Variants in IMMP2L observed in about 807,000 individuals in gnomAD.
IMMP2L encodes the protein inner mitochondrial membrane peptidase subunit 2.
Under a neutral mutation model 19.3 loss-of-function variants are expected in IMMP2L, and 18 were observed. The observed-to-expected ratio is 0.93, with a 90% CI of 0.64 to 1.38. IMMP2L has a LOEUF of 1.38. IMMP2L is among the 40% of genes most tolerant of loss of function. The pLI, the probability that IMMP2L is intolerant of heterozygous loss-of-function variation, is 0.00. For missense variants in IMMP2L, 233 were observed against 218.2 expected (o/e 1.07, Z -0.43); for synonymous variants, 76 against 73.0 (o/e 1.04, Z -0.21).
chr7:111,503,594 C>T (rs570363865), intron 2 of IMMP2L, among the ~76,000 whole-genome samples: 14 of 152,148 alleles, frequency 9.2e-5, no homozygotes, highest in Non-Finnish European at 1.5e-4. Flanking sequence ...AAACCAAATC[C>T]AGCAGCACAT....
intron 3 of IMMP2L, among the ~76,000 whole-genome samples, chr7:111,380,018 T>C (rs1007886490): frequency 2.6e-5 from 4 of 151,924 alleles, no homozygotes; most frequent in African/African-American, 9.7e-5. Flanking sequence ...AATAGTAAAA[T>C]AGCTCCATCG....
At chr7:111,005,362 A>C (rs943457515) in intron 3 of IMMP2L, among the ~76,000 whole-genome samples, 4 of 152,194 alleles carry the variant, frequency 2.6e-5, no homozygotes, top group Admixed American at 1.3e-4. Context: ...CTATTGTTAC[A>C]TAAAGTAGCT....
chr7:110,768,308 G>GAAAAAAA (rs56248524), intron 5 of IMMP2L, among the ~76,000 whole-genome samples: 1 of 120,876 alleles, frequency 8.3e-6, no homozygotes, highest in Non-Finnish European at 1.7e-5. Context: ...GAAAAGAAAG[G>GAAAAAAA]AAAAAAAAAA....
At chr7:110,735,052 T>A (rs368734325) in intron 5 of IMMP2L, among the ~76,000 whole-genome samples, 1 of 152,164 alleles carries the variant, frequency 6.6e-6, no homozygotes, top group Admixed American at 6.5e-5. Context: ...ATGTGATAAC[T>A]GACACTTACA....
intron 3 of IMMP2L, among the ~76,000 whole-genome samples, chr7:111,077,931 C>T (rs184247042): frequency 4.6e-5 from 7 of 152,240 alleles, no homozygotes; most frequent in Non-Finnish European, 7.3e-5. Flanking sequence ...GTTTCTTGGC[C>T]TGACTCTTCT....
At chr7:111,514,227 A>T (rs1845689060) in intron 2 of IMMP2L, among the ~76,000 whole-genome samples, 1 of 152,154 alleles carries the variant, frequency 6.6e-6, no homozygotes, top group African/African-American at 2.4e-5. Flanking sequence ...AGTAAAGGGT[A>T]TGTTAATTAG....
At chr7:111,424,618 C>T (rs1037414318) in intron 3 of IMMP2L, among the ~76,000 whole-genome samples, 4 of 151,708 alleles carry the variant, frequency 2.6e-5, no homozygotes, top group East Asian at 1.9e-4. Context: ...TGATGTATAG[C>T]CATGCTACTT....
chr7:111,342,059 A>G (rs932970762), intron 3 of IMMP2L, among the ~76,000 whole-genome samples: 10 of 152,148 alleles, frequency 6.6e-5, no homozygotes, highest in South Asian at 2.1e-4. Context: ...TAGCGGCACA[A>G]AACAGGCCAA....
chr7:111,544,390 TATA>T (rs1848737480), intron 1 of IMMP2L, among the ~76,000 whole-genome samples: 1 of 151,976 alleles, frequency 6.6e-6, no homozygotes, highest in Non-Finnish European at 1.5e-5. Context: ...GAACTTAAAG[TATA>T]ATAAAAAAAA....
At chr7:111,081,804 TGTATA>T in intron 3 of IMMP2L, among the ~76,000 whole-genome samples, 1 of 152,116 alleles carries the variant, frequency 6.6e-6, no homozygotes, top group Non-Finnish European at 1.5e-5. Context: ...CATAGCAAAT[TGTATA>T]CTTTTAAAAT....
Position 111,430,256 on chromosome 7 carries a change from C to A in IMMP2L, c.239+56982G>T, listed in dbSNP as rs184443202. 2.6e-4 allele frequency among the ~76,000 whole-genome samples: 40 copies of A among 151,846 alleles called. 1 individual carries two copies. Among genetic ancestry groups the A allele is most frequent in the African/African-American group, 9.2e-4 (38 of 41,254 alleles). On this transcript the variant is annotated intron_variant, in intron 3 of 5. Coordinates refer to ENST00000405709, the MANE Select transcript of IMMP2L (RefSeq NM_032549.4). Reference sequence around the variant, plus strand: ...AAAGAAATACGTTTGAATTTTTTCACAATTTCTACAATATGCCTCCTGAAT... The same window carrying A: ...AAAGAAATACGTTTGAATTTTTTCAAAATTTCTACAATATGCCTCCTGAAT...
intron 3 of IMMP2L, among the ~76,000 whole-genome samples, chr7:110,998,781 C>T (rs1053811514): frequency 3.3e-5 from 5 of 152,072 alleles, no homozygotes; most frequent in African/African-American, 1.2e-4. Context: ...AGAAAACGGG[C>T]ACAGTGTAAT....
chr7:111,297,888 T>C (rs1368853474), intron 3 of IMMP2L, among the ~76,000 whole-genome samples: 1 of 152,066 alleles, frequency 6.6e-6, no homozygotes, highest in Admixed American at 6.6e-5. Flanking sequence ...AGATCAGTGA[T>C]TTCATGCAGC....
rs869155077 is a variant in IMMP2L, at chr7:111,316,845, CTTT to C, written c.239+170390_239+170392del. Among the ~76,000 whole-genome samples, 426 of 75,872 alleles carry C rather than the reference CTTT, an allele frequency of 5.6e-3. 1 individual carries two copies. The highest frequency in any genetic ancestry group is 0.02 in the African/African-American group (397 of 20,304). The allele number at this position is 75,872 out of a possible 152,430, so 49.8% of individuals were successfully genotyped here. ...GATATTGTTGGCTCCTTTTTTTTTT[CTTT>C]TTTTTTTTTTTTTTTTTTTTGAGAT... On this transcript the variant is annotated intron_variant, in intron 3 of 5. Transcript: ENST00000405709.
chr7:110,886,878 T>A (rs565952147), intron 4 of IMMP2L, among the ~76,000 whole-genome samples, 183 bp from the exon 5 acceptor site: 2 of 152,254 alleles, frequency 1.3e-5, no homozygotes, highest in South Asian at 4.2e-4. Context: ...TTCATAGCAT[T>A]TTTTCTTTTT....
chr7:110,820,640 ACTTCTGACCT>A, intron 5 of IMMP2L, among the ~76,000 whole-genome samples: 1 of 152,126 alleles, frequency 6.6e-6, no homozygotes, highest in Non-Finnish European at 1.5e-5. Context: ...TAAAGAGGAA[ACTTCTGACCT>A]TTAGCAAATT....
At chr7:110,700,870 T>C (rs1441657985) in intron 5 of IMMP2L, among the ~76,000 whole-genome samples, 19 of 152,250 alleles carry the variant, frequency 1.2e-4, no homozygotes, top group Admixed American at 1.2e-3. Flanking sequence ...ATATAGTATG[T>C]ATAATTTAAT....
At chr7:111,002,265 A>C (rs780374793) in intron 3 of IMMP2L, among the ~76,000 whole-genome samples, 1 of 152,162 alleles carries the variant, frequency 6.6e-6, no homozygotes, top group Non-Finnish European at 1.5e-5. Flanking sequence ...GCCCAGAGGG[A>C]TAAGTAAGCC....
At chr7:111,545,046 C>T (rs1288897171) in intron 1 of IMMP2L, among the ~76,000 whole-genome samples, 1 of 152,062 alleles carries the variant, frequency 6.6e-6, no homozygotes, top group African/African-American at 2.4e-5. Flanking sequence ...AGAAGTCAGA[C>T]TCACACACAC....
Sources: gnomAD v4.1 joint callset for allele counts (sites outside exome capture counted in the v4.1 genomes callset) on GRCh38, gnomAD v4.1.1 for gene constraint, MANE v1.5 for transcripts, NCBI Gene and HGNC (gene_info 2026-07-23, HGNC 2026-07-21) for gene names.